The following EEFSEC variants were observed in gnomAD, a reference collection of about 807,000 sequenced individuals.
EEFSEC encodes eukaryotic elongation factor, selenocysteine-tRNA specific.
A neutral mutation model predicts 42.1 loss-of-function variants in EEFSEC; 43 were observed. The observed-to-expected ratio is 1.02, with a 90% CI of 0.80 to 1.32. The LOEUF (loss-of-function observed/expected upper bound fraction) is 1.32, where lower values mean the gene tolerates loss of function less well. EEFSEC is among the 40% of genes most tolerant of loss of function. The pLI is 0.00. For synonymous variants in EEFSEC, 354 were observed against 339.1 expected (o/e 1.04, Z -0.48); for missense variants, 745 against 803.6 (o/e 0.93, Z 0.88).
chr3:128,244,489 C>T (rs185307564), intron 1 of EEFSEC, among the ~76,000 whole-genome samples: 132 of 148,816 alleles, frequency 8.9e-4, no homozygotes, highest in Admixed American at 2.0e-3. Flanking sequence ...TTTTTTTTTC[C>T]AGTGGACAGT....
chr3:128,285,818 A>G (rs1380972119), intron 4 of EEFSEC, among the ~76,000 whole-genome samples: 1 of 152,184 alleles, frequency 6.6e-6, no homozygotes, highest in Non-Finnish European at 1.5e-5. Context: ...CCCCATGTCT[A>G]CGCTGCATTC....
chr3:128,233,538 G>C (rs1450324548), intron 1 of EEFSEC, among the ~76,000 whole-genome samples: 2 of 152,176 alleles, frequency 1.3e-5, no homozygotes, highest in African/African-American at 4.8e-5. Context: ...ATCTTTACCA[G>C]CCCTTGCTCT....
the EEFSEC span, among the ~76,000 whole-genome samples, chr3:128,418,387 G>A: frequency 8.6e-6 from 1 of 116,670 alleles, no homozygotes; most frequent in Admixed American, 8.9e-5. Flanking sequence ...CCAACAGCAG[G>A]CGGCTCTGCC....
At chr3:128,277,756 A>T (rs910696702) in intron 4 of EEFSEC, among the ~76,000 whole-genome samples, 1 of 152,242 alleles carries the variant, frequency 6.6e-6, no homozygotes, top group Admixed American at 6.5e-5. Flanking sequence ...ATGTGCACAT[A>T]TGGCCTGAGA....
At chr3:128,166,303 G>A (rs957660234) in intron 1 of EEFSEC, among the ~76,000 whole-genome samples, 1 of 152,136 alleles carries the variant, frequency 6.6e-6, no homozygotes, top group Admixed American at 6.5e-5. Context: ...GCAGTGGCTT[G>A]ATCAGTACTT....
At chr3:128,364,700 G>A (rs2067567726) in intron 6 of EEFSEC, among the ~76,000 whole-genome samples, 1 of 152,214 alleles carries the variant, frequency 6.6e-6, no homozygotes, top group Non-Finnish European at 1.5e-5. Flanking sequence ...ACTCCTCTGT[G>A]GAGTGCACCT....
At chr3:128,351,374 C>T (rs2067382993) in intron 5 of EEFSEC, among the ~76,000 whole-genome samples, 1 of 152,146 alleles carries the variant, frequency 6.6e-6, no homozygotes, top group African/African-American at 2.4e-5. Flanking sequence ...ACATCAACAC[C>T]CCTGATCCTA....
At chr3:128,299,961 C>G (rs2066749185) in intron 4 of EEFSEC, among the ~76,000 whole-genome samples, 1 of 152,202 alleles carries the variant, frequency 6.6e-6, no homozygotes, top group African/African-American at 2.4e-5. Flanking sequence ...TTGGCTCTGC[C>G]CCTTTCCCAG....
chr3:128,345,442 G>C (rs1416677748), intron 5 of EEFSEC, among the ~76,000 whole-genome samples: 1 of 152,188 alleles, frequency 6.6e-6, no homozygotes, highest in Admixed American at 6.5e-5. Context: ...CAGCGCAGGG[G>C]CCAGAGAAGT....
chr3:128,362,413 A>G (rs190775145), intron 6 of EEFSEC, among the ~76,000 whole-genome samples: 1 of 152,344 alleles, frequency 6.6e-6, no homozygotes, highest in East Asian at 1.9e-4. Context: ...AAGGGCACAC[A>G]TGTGCCCGTG....
chr3:128,344,595 C>T (rs2067290957), intron 5 of EEFSEC, among the ~76,000 whole-genome samples: 1 of 152,192 alleles, frequency 6.6e-6, no homozygotes, highest in South Asian at 2.1e-4. Flanking sequence ...TCTTTTGAGT[C>T]ATGAAATTTC....
chr3:128,231,529 G>A (rs2065959035), intron 1 of EEFSEC, among the ~76,000 whole-genome samples: 1 of 152,178 alleles, frequency 6.6e-6, no homozygotes, highest in Non-Finnish European at 1.5e-5. Context: ...TATGATAGAT[G>A]AAGAAACAGG....
chr3:128,403,359 G>A (rs2068070752), intron 6 of EEFSEC, among the ~76,000 whole-genome samples: 1 of 152,168 alleles, frequency 6.6e-6, no homozygotes, highest in Non-Finnish European at 1.5e-5. Flanking sequence ...GAGGCCAGAG[G>A]TCCAGAGCAG....
At chr3:128,421,891 A>G in the EEFSEC span, among the ~76,000 whole-genome samples, 2 of 152,172 alleles carry the variant, frequency 1.3e-5, no homozygotes, top group Admixed American at 6.5e-5. Flanking sequence ...TCTCTAGTGC[A>G]GCCTCTGCTC....
chr3:128,179,305 T>G (rs1324221120), intron 1 of EEFSEC, among the ~76,000 whole-genome samples: 1 of 152,124 alleles, frequency 6.6e-6, no homozygotes, highest in Admixed American at 6.5e-5. Flanking sequence ...CAAAACTACT[T>G]AAAATAAATT....
At chr3:128,404,423 G>C (rs1328182188) in intron 6 of EEFSEC, among the ~76,000 whole-genome samples, 4 of 152,392 alleles carry the variant, frequency 2.6e-5, no homozygotes, top group East Asian at 1.9e-4. Context: ...TCGCGGGTGA[G>C]ATGGACTGCC....
chr3:128,179,670 C>T (rs1037595506), intron 1 of EEFSEC, among the ~76,000 whole-genome samples: 31 of 152,214 alleles, frequency 2.0e-4, no homozygotes, highest in African/African-American at 6.7e-4. Context: ...TGGCTTGGGC[C>T]GGCAGACGGG....
chr3:128,318,685 C>T (rs1159428052), intron 4 of EEFSEC, among the ~76,000 whole-genome samples: 1 of 152,226 alleles, frequency 6.6e-6, no homozygotes, highest in Non-Finnish European at 1.5e-5. Flanking sequence ...TCAGTGTCAC[C>T]TATTTGCCAG....
intron 1 of EEFSEC, among the ~76,000 whole-genome samples, chr3:128,158,831 A>G (rs1172144344): frequency 1.3e-5 from 2 of 152,254 alleles, no homozygotes; most frequent in Non-Finnish European, 2.9e-5. Flanking sequence ...GAAGCTCTTC[A>G]TATTGCAAAA....
Sources: gnomAD v4.1 joint callset for allele counts (sites outside exome capture counted in the v4.1 genomes callset) on GRCh38, gnomAD v4.1.1 for gene constraint, MANE v1.5 for transcripts, NCBI Gene and HGNC (gene_info 2026-07-23, HGNC 2026-07-21) for gene names.